Variants in ZFYVE16 observed in about 807,000 individuals in gnomAD.
ZFYVE16 encodes zinc finger FYVE-type containing 16.
Under a neutral mutation model 138.1 loss-of-function variants are expected in ZFYVE16, and 89 were observed. That is an observed-to-expected ratio of 0.64 (90% CI 0.54 to 0.77). The LOEUF (loss-of-function observed/expected upper bound fraction) is 0.77. Among genes scored for constraint, ZFYVE16 ranks in the 30% least tolerant of loss-of-function variants. The probability of loss-of-function intolerance (pLI) is 0.00; values close to 1 mark genes in which losing one functional copy is unlikely to be tolerated. For synonymous variants in ZFYVE16, 596 were observed against 618.3 expected, an observed-to-expected ratio of 0.96 and a Z score of 0.53; for missense variants, 1,793 against 1,786.7, an observed-to-expected ratio of 1.00 and a Z score of -0.06.
In ZFYVE16 at chr5:80,434,035, T is replaced by C. The variant is rs1749510965; in HGVS notation, c.-39-74T>C. On this transcript the variant is annotated intron_variant, in intron 2 of 18. Coordinates refer to ENST00000505560, the MANE Select transcript of ZFYVE16 (RefSeq NM_001284236.3). ...TCTGTGTCAATTTCTTGACTGTGTT[T>C]CCTGGCATGGAATACATGGCATAAA... 4 of 975,252 alleles carry C rather than the reference T, an allele frequency of 4.1e-6. No homozygotes were observed. In the Admixed American group the frequency reaches 8.8e-5, roughly 21 times the overall value. 60.4% of individuals were successfully genotyped at this position (975,252 alleles called of 1,614,324 possible). A position where few individuals can be genotyped will look rare whatever the true frequency, so the allele number is the denominator to read the frequency against.
intron 3 of ZFYVE16, chr5:80,436,003 A>G (rs1045869804): frequency 4.9e-6 from 1 of 203,674 alleles, no homozygotes; most frequent in African/African-American, 2.4e-5. Flanking sequence ...TGCCTTGTGA[A>G]GAAGGTGCTT....
At chr5:80,419,923 T>G (rs1746848103) in intron 1 of ZFYVE16, among the ~76,000 whole-genome samples, 1 of 151,884 alleles carries the variant, frequency 6.6e-6, no homozygotes, top group Non-Finnish European at 1.5e-5. Context: ...GCGATTCTCC[T>G]GCCTCAGCCT....
intron 1 of ZFYVE16, among the ~76,000 whole-genome samples, chr5:80,422,454 T>A (rs554114171): frequency 2.5e-4 from 38 of 152,226 alleles, no homozygotes; most frequent in African/African-American, 8.9e-4. Context: ...ATTGTATTTG[T>A]TTTGTTTTGT....
At chr5:80,468,091 C>T (rs1408986985) in intron 15 of ZFYVE16, among the ~76,000 whole-genome samples, 1 of 152,082 alleles carries the variant, frequency 6.6e-6, no homozygotes, top group Non-Finnish European at 1.5e-5. Flanking sequence ...AGTGCCATGG[C>T]CAGTGTAAGT....
intron 3 of ZFYVE16, among the ~76,000 whole-genome samples, chr5:80,434,429 T>G (rs1749575274): frequency 6.6e-6 from 1 of 152,176 alleles, no homozygotes; most frequent in Non-Finnish European, 1.5e-5. Context: ...ACCTAGAAAG[T>G]TTTTTTCTAG....
chr5:80,415,955 C>A lies in ZFYVE16; in HGVS notation c.-94+7802C>A, dbSNP rs369651119. ...TGCTGGGATTACAGGCGAGAGCCAC[C>A]ACGCCCGGCCAACTTGCCACTTTTA... On this transcript the variant is annotated intron_variant, in intron 1 of 18. Transcript: ENST00000505560. 1.1e-4 allele frequency among the ~76,000 whole-genome samples: 17 copies of A among 151,912 alleles called. 1 individual carries two copies. The highest frequency in any genetic ancestry group is 3.9e-4 in the African/African-American group (16 of 41,444).
intron 12 of ZFYVE16, 61 bp downstream of exon 12, chr5:80,455,835 C>G (rs1386149664): frequency 7.4e-7 from 1 of 1,359,486 alleles, no homozygotes; most frequent in African/African-American, 1.5e-5. Context: ...CTGTATTTAG[C>G]AAAGTTTATA....
chr5:80,476,802 AATT>A (rs1754954169), intron 18 of ZFYVE16, among the ~76,000 whole-genome samples: 1 of 152,210 alleles, frequency 6.6e-6, no homozygotes, highest in African/African-American at 2.4e-5. Flanking sequence ...TTTTTTAGCC[AATT>A]GTATTAAAAT....
chr5:80,420,612 A>C (rs1476792779), intron 1 of ZFYVE16, among the ~76,000 whole-genome samples: 1 of 152,212 alleles, frequency 6.6e-6, no homozygotes, highest in Non-Finnish European at 1.5e-5. Flanking sequence ...ATGTCCCTAC[A>C]AAGGACATGA....
At chr5:80,453,429 ATGGCCAGTATTT>A (rs1362672451) in intron 11 of ZFYVE16, among the ~76,000 whole-genome samples, 1 of 152,196 alleles carries the variant, frequency 6.6e-6, no homozygotes, top group African/African-American at 2.4e-5. Flanking sequence ...ACATGTAAGT[ATGGCCAGTATTT>A]TGGCCAGTAG....
chr5:80,465,140 T>C (rs1203891816), intron 15 of ZFYVE16, among the ~76,000 whole-genome samples: 1 of 152,158 alleles, frequency 6.6e-6, no homozygotes, highest in Admixed American at 6.5e-5. Context: ...CTCTTATTCA[T>C]GTGCATTCAA....
chr5:80,433,257 A>G (rs978306663), intron 2 of ZFYVE16, among the ~76,000 whole-genome samples: 3 of 152,256 alleles, frequency 2.0e-5, no homozygotes, highest in Non-Finnish European at 4.4e-5. Flanking sequence ...CTATGCAGCC[A>G]TAAAAGAGGA....
rs1750244139 is a variant in ZFYVE16 at position 80,438,393 on chromosome 5, G to A, written c.1708G>A (p.Asp570Asn). The A allele has an allele frequency of 6.2e-7, 1 of 1,613,902 alleles. No individual in the cohort carries two copies. Among genetic ancestry groups the A allele is most frequent in the Middle Eastern group, 1.7e-4 (1 of 6,060 alleles). The change falls in exon 4 of 19, where the codon GAT becomes AAT. Residue 570 changes from aspartate to asparagine, a missense_variant. Transcript: ENST00000505560. Reference protein sequence around the residue: ...QMNQIDMKGLDDGNINNIYFN... With the variant: ...QMNQIDMKGLNDGNINNIYFN... Reference sequence around the variant, plus strand: ...GAATCAGATAGATATGAAAGGCTTAGATGATGGAAACATCAATAATATATA... The same window carrying A: ...GAATCAGATAGATATGAAAGGCTTAAATGATGGAAACATCAATAATATATA...
Position 80,437,872 on chromosome 5 carries a change from A to T in ZFYVE16, c.1187A>T (p.Asp396Val). 6.2e-7 allele frequency: 1 copy of T among 1,613,998 alleles called. No individual in the cohort carries two copies. Among genetic ancestry groups the T allele is most frequent in the Non-Finnish European group, 8.5e-7 (1 of 1,179,940 alleles). Residue 396 changes from aspartate to valine, a missense_variant, in exon 4 of 19, where the codon GAT becomes GTT. Asp to Val is a radical substitution (Grantham distance 152). Coordinates refer to ENST00000505560, the MANE Select transcript of ZFYVE16 (RefSeq NM_001284236.3). The part of the protein sequence containing the change: ...GSLIESKARG[D>V]FLPQHEHKDN... ...TTAATTGAAAGTAAAGCACGGGGTG[A>T]TTTTTTACCTCAGCATGAACATAAA... is the stretch of plus-strand genomic sequence containing the variant.
rs774708139 is a variant in ZFYVE16, at chr5:80,438,735, G to T, written c.2050G>T (p.Val684Phe). Residue 684 changes from valine to phenylalanine, a missense_variant, in exon 4 of 19, where the codon GTT becomes TTT. Val to Phe is a conservative substitution (Grantham distance 50). This residue lies in a region of ZFYVE16 where 1,295 missense variants were observed against 1,204.3 expected (regional missense o/e 1.08). Coordinates refer to ENST00000505560, the MANE Select transcript of ZFYVE16 (RefSeq NM_001284236.3). ...AAGTGAACCCAGCACAGCAGATACCGTTGTTCCAATCACTTGTGCTATAGA... is the reference window on the plus strand; with the variant it reads ...AAGTGAACCCAGCACAGCAGATACCTTTGTTCCAATCACTTGTGCTATAGA... ...IESEPSTADT[V>F]VPITCAIDST... 1 of 1,614,108 alleles carries T rather than the reference G, an allele frequency of 6.2e-7. No individual in the cohort carries two copies. The highest frequency in any genetic ancestry group is 2.2e-5 in the East Asian group (1 of 44,882).
chr5:80,477,649 G>A lies in ZFYVE16; in HGVS notation c.*272G>A. On this transcript the variant is annotated 3_prime_UTR_variant, in exon 19 of 19. Transcript: ENST00000505560. ...TTTTAAGAAATTTATAGCATTTACTGTGTTATTTAAATGCTAAGCCAAAGT... is the reference window on the plus strand; with the variant it reads ...TTTTAAGAAATTTATAGCATTTACTATGTTATTTAAATGCTAAGCCAAAGT... The A allele has an allele frequency of 7.9e-6, 2 of 253,348 alleles. No homozygotes were observed. Among genetic ancestry groups the A allele is most frequent in the African/African-American group, 2.2e-5 (1 of 44,450 alleles). The allele number at this position is 253,348 out of a possible 1,614,324, so 15.7% of individuals were successfully genotyped here. A position where few individuals can be genotyped will look rare whatever the true frequency, so the allele number is the denominator to read the frequency against.
At position 80,448,239 on chromosome 5, in the gene ZFYVE16, A is replaced by G. The variant is rs1234355455; in HGVS notation, c.2938A>G (p.Ser980Gly). The change falls in exon 8 of 19, where the codon AGT (serine) becomes GGT (glycine). Residue 980 changes from serine to glycine, a missense_variant. Around this residue, in one of 2 missense-constraint regions of ZFYVE16, gnomAD observed 1,295 missense variants for 1,204.3 expected, o/e 1.08. Transcript: ENST00000505560. ...TTTTGCAGAAACTGAAGAACCATCT[A>G]GTCCTACTGGTGTCTTAGTTAACAG... ...DVFAETEEPS[S>G]PTGVLVNSNL... 5 of 1,613,770 alleles carry G rather than the reference A, an allele frequency of 3.1e-6. No homozygotes were observed. The African/African-American group carries it at 4.0e-5, about 13-fold the overall frequency.
chr5:80,416,965 G>A (rs1204550593), intron 1 of ZFYVE16, among the ~76,000 whole-genome samples: 1 of 152,030 alleles, frequency 6.6e-6, no homozygotes, highest in Non-Finnish European at 1.5e-5. Context: ...TTCTATGTGT[G>A]ACCATCGGTA....
At chr5:80,461,651 A>G (rs1753126133) in intron 15 of ZFYVE16, among the ~76,000 whole-genome samples, 1 of 151,986 alleles carries the variant, frequency 6.6e-6, no homozygotes, top group African/African-American at 2.4e-5. Flanking sequence ...TCTCAGAGAG[A>G]GCTCCAGTAT....
Sources: allele counts gnomAD v4.1 joint callset (sites outside exome capture counted in the v4.1 genomes callset), GRCh38; gene constraint gnomAD v4.1.1; regional missense constraint gnomAD v4.1.1; transcripts MANE v1.5; gene names NCBI Gene and HGNC (gene_info 2026-07-23, HGNC 2026-07-21).